The following TESK2 variants were observed in gnomAD, a reference collection of about 807,000 sequenced individuals.
TESK2 encodes dual specificity testis-specific protein kinase 2.
In TESK2, 39 loss-of-function variants were observed where a neutral mutation model predicts 57.1. The observed-to-expected ratio is 0.68, with a 90% confidence interval of 0.53 to 0.89. The LOEUF (loss-of-function observed/expected upper bound fraction) is 0.89. TESK2 is among the 40% of genes least tolerant of loss of function. TESK2 has a pLI of 0.00. For missense variants in TESK2, 646 were observed against 732.1 expected (o/e 0.88, Z 1.36); for synonymous variants, 249 against 267.9 (o/e 0.93, Z 0.69).
At chr1:45,416,056 A>G (rs1423118019) in intron 3 of TESK2, among the ~76,000 whole-genome samples, 1 of 130,484 alleles carries the variant, frequency 7.7e-6, no homozygotes, top group Non-Finnish European at 1.6e-5. Context: ...AAGATTGGAC[A>G]CCTCTAATCT....
chr1:45,383,471 C>T (rs1376210521), intron 4 of TESK2, among the ~76,000 whole-genome samples: 2 of 152,148 alleles, frequency 1.3e-5, no homozygotes, highest in Non-Finnish European at 2.9e-5. Flanking sequence ...GCAATAAATA[C>T]TCTTCCATAA....
At chr1:45,452,027 C>T (rs1296501918) in intron 2 of TESK2, among the ~76,000 whole-genome samples, 3 of 63,506 alleles carry the variant, frequency 4.7e-5, no homozygotes, top group African/African-American at 8.5e-5. Context: ...AACAAGACTC[C>T]GTCTCAAAAA....
chr1:45,410,169 G>C (rs1649984087), intron 3 of TESK2, among the ~76,000 whole-genome samples: 1 of 151,946 alleles, frequency 6.6e-6, no homozygotes, highest in Admixed American at 6.6e-5. Flanking sequence ...AAAAAATTAA[G>C]ATCACCTTAC....
At chr1:45,460,484 T>G (rs1408960896) in intron 1 of TESK2, among the ~76,000 whole-genome samples, 4 of 152,082 alleles carry the variant, frequency 2.6e-5, no homozygotes, top group Admixed American at 6.6e-5. Context: ...CATGCCATTG[T>G]ACTCCAGCCT....
At chr1:45,365,549 C>CTT (rs35017339) in intron 4 of TESK2, among the ~76,000 whole-genome samples, 1,680 of 152,026 alleles carry the variant, frequency 0.011, 33 homozygotes, top group African/African-American at 0.036. Context: ...AAGTTTCCCT[C>CTT]GTTGCCCAGG....
intron 3 of TESK2, among the ~76,000 whole-genome samples, chr1:45,403,881 C>CAAAA (rs1557559895): frequency 1.2e-5 from 1 of 85,258 alleles, no homozygotes; most frequent in Admixed American, 1.5e-4. Context: ...GCCATGCAAG[C>CAAAA]GAAAAAAAAA....
intron 1 of TESK2, among the ~76,000 whole-genome samples, chr1:45,481,565 G>A (rs1242631430): frequency 1.3e-5 from 2 of 151,936 alleles, no homozygotes; most frequent in African/African-American, 2.4e-5. Flanking sequence ...TCCAGGCCTC[G>A]AGTAATCCTC....
At chr1:45,377,378 A>C (rs1350442147) in intron 4 of TESK2, among the ~76,000 whole-genome samples, 1 of 152,064 alleles carries the variant, frequency 6.6e-6, no homozygotes, top group Non-Finnish European at 1.5e-5. Context: ...AAAAAATCAA[A>C]ACTAACCCCA....
intron 3 of TESK2, among the ~76,000 whole-genome samples, chr1:45,394,660 G>C (rs1044917006): frequency 7.0e-5 from 9 of 129,368 alleles, no homozygotes; most frequent in African/African-American, 1.7e-4. Context: ...TCTAAAGATA[G>C]TAAGACCAAC....
rs1647107458 is a variant in TESK2 at position 45,344,386 on chromosome 1, C to G, written c.*454G>C. 2 of 166,734 alleles carry G rather than the reference C, an allele frequency of 1.2e-5. No individual in the cohort carries two copies. Among genetic ancestry groups the G allele is most frequent in the Admixed American group, 5.8e-5 (1 of 17,284 alleles). The allele number at this position is 166,734 out of a possible 1,614,324, so 10.3% of individuals were successfully genotyped here. A position where few individuals can be genotyped will look rare whatever the true frequency, so the allele number is the denominator to read the frequency against. ...GTCTTAGAATACTGGCAAGAAGCAC[C>G]CCAATATTCAGGTCTGGGAAACAGC... is the stretch of plus-strand genomic sequence containing the variant. On this transcript the variant is annotated 3_prime_UTR_variant, in exon 11 of 11. Coordinates refer to ENST00000372086, the MANE Select transcript of TESK2 (RefSeq NM_007170.3).
intron 3 of TESK2, among the ~76,000 whole-genome samples, chr1:45,401,346 G>A (rs1649589363): frequency 1.3e-5 from 2 of 151,058 alleles, no homozygotes; most frequent in South Asian, 4.2e-4. Context: ...GCAGTGAGCC[G>A]AGATCTCACC....
At chr1:45,480,625 T>A (rs1422702823) in intron 1 of TESK2, among the ~76,000 whole-genome samples, 1 of 151,624 alleles carries the variant, frequency 6.6e-6, no homozygotes, top group Admixed American at 6.6e-5. Context: ...TAAATTATGA[T>A]ACATCCATTC....
intron 5 of TESK2, among the ~76,000 whole-genome samples, chr1:45,348,800 CCT>C (rs1647190292): frequency 6.6e-6 from 1 of 152,170 alleles, no homozygotes; most frequent in Non-Finnish European, 1.5e-5. Context: ...CTATGCCACT[CCT>C]CTTACAGTCT....
At chr1:45,427,226 C>G in intron 2 of TESK2, among the ~76,000 whole-genome samples, 1 of 139,020 alleles carries the variant, frequency 7.2e-6, no homozygotes, top group African/African-American at 2.9e-5. Context: ...CTCAGCAAGA[C>G]TCTGTCTCAA....
chr1:45,431,244 C>T (rs1338890746), intron 2 of TESK2, among the ~76,000 whole-genome samples: 1 of 152,108 alleles, frequency 6.6e-6, no homozygotes, highest in African/African-American at 2.4e-5. Context: ...TGGTGAAACT[C>T]TGTCTCTACT....
chr1:45,351,999 G>C (rs1421936599), intron 5 of TESK2, among the ~76,000 whole-genome samples: 1 of 152,194 alleles, frequency 6.6e-6, no homozygotes, highest in Non-Finnish European at 1.5e-5. Flanking sequence ...TGTCCTTAAA[G>C]AAATAAGACA....
At chr1:45,433,908 A>T (rs1358148832) in intron 2 of TESK2, among the ~76,000 whole-genome samples, 7 of 152,220 alleles carry the variant, frequency 4.6e-5, no homozygotes, top group Admixed American at 2.6e-4. Flanking sequence ...CCCCAAGAAT[A>T]TAAGAGTTCC....
At chr1:45,441,788 T>A (rs1365463422) in intron 2 of TESK2, among the ~76,000 whole-genome samples, 1 of 151,958 alleles carries the variant, frequency 6.6e-6, no homozygotes, top group Non-Finnish European at 1.5e-5. Flanking sequence ...AGCTAATTTT[T>A]GTATTTTTAG....
At chr1:45,349,152 A>T (rs1324992968) in intron 5 of TESK2, among the ~76,000 whole-genome samples, 1 of 150,916 alleles carries the variant, frequency 6.6e-6, no homozygotes, top group Non-Finnish European at 1.5e-5. Context: ...CAGCCTTGGT[A>T]TCTAGTTGCT....
Sources: allele counts gnomAD v4.1 joint callset (sites outside exome capture counted in the v4.1 genomes callset), GRCh38; gene constraint gnomAD v4.1.1; transcripts MANE v1.5; gene names NCBI Gene and HGNC (gene_info 2026-07-23, HGNC 2026-07-21).